The following SAMD5 variants were observed in gnomAD, a reference collection of about 807,000 sequenced individuals.
SAMD5 encodes sterile alpha motif domain containing 5, also known as sterile alpha motif domain-containing protein 5.
A neutral mutation model predicts 11.3 loss-of-function variants in SAMD5; 13 were observed. The observed-to-expected ratio is 1.15, with a 90% CI of 0.75 to 1.83. The LOEUF (loss-of-function observed/expected upper bound fraction) is 1.83. SAMD5 is among the 40% of genes most tolerant of loss of function. The pLI, the probability that SAMD5 is intolerant of heterozygous loss-of-function variation, is 0.00. For missense variants in SAMD5, 255 were observed against 239.1 expected, an observed-to-expected ratio of 1.07 and a Z score of -0.44; for synonymous variants, 129 against 111.3, an observed-to-expected ratio of 1.16 and a Z score of -1.00.
At chr6:147,787,458 A>T in the SAMD5 span, among the ~76,000 whole-genome samples, 1 of 152,206 alleles carries the variant, frequency 6.6e-6, no homozygotes, top group Non-Finnish European at 1.5e-5. Context: ...ATGTAAGTCA[A>T]AGACCAGTAG....
At chr6:147,947,539 T>C in the SAMD5 span, 1 of 152,208 alleles carries the variant, frequency 6.6e-6, no homozygotes, top group Admixed American at 6.5e-5. Flanking sequence ...CGTTTTGCTC[T>C]GGTACAAGGT....
At chr6:147,585,153 A>G in intron 1 of SAMD5, among the ~76,000 whole-genome samples, 1 of 152,186 alleles carries the variant, frequency 6.6e-6, no homozygotes, top group Admixed American at 6.5e-5. Flanking sequence ...ATTGAGACCC[A>G]TTAATAGTGA....
At chr6:147,801,234 T>C in the SAMD5 span, among the ~76,000 whole-genome samples, 6 of 152,226 alleles carry the variant, frequency 3.9e-5, no homozygotes, top group Admixed American at 2.6e-4. Flanking sequence ...TTTTACTTTA[T>C]GGAATCCTAA....
chr6:147,799,451 T>C, the SAMD5 span, among the ~76,000 whole-genome samples: 1 of 151,860 alleles, frequency 6.6e-6, no homozygotes, highest in Admixed American at 6.6e-5. Context: ...GTTAGTCTGA[T>C]GGGCTTCCCT....
At chr6:147,601,810 C>T (rs1203135345) in intron 1 of SAMD5, among the ~76,000 whole-genome samples, 1 of 152,188 alleles carries the variant, frequency 6.6e-6, no homozygotes, top group Non-Finnish European at 1.5e-5. Flanking sequence ...AAACAGCTTA[C>T]TTCACCGTGA....
chr6:147,567,840 T>C lies in SAMD5; in HGVS notation c.*3384T>C. On this transcript the variant is annotated 3_prime_UTR_variant, in exon 2 of 2. Coordinates refer to ENST00000367474, the MANE Select transcript of SAMD5 (RefSeq NM_001030060.3). ...TACCTGCTCATAGGAGTTCAGTAAA[T>C]GTTTATTGATTGAATGAAAAGAATT... The C allele has an allele frequency of 3.0e-6, 3 of 985,208 alleles. No homozygotes were observed. The highest frequency in any genetic ancestry group is 3.6e-6 in the Non-Finnish European group (3 of 829,740). 61.0% of individuals were successfully genotyped at this position (985,208 alleles called of 1,614,324 possible).
At chr6:147,546,964 C>G (rs1455389763) in intron 1 of SAMD5, among the ~76,000 whole-genome samples, 5 of 152,112 alleles carry the variant, frequency 3.3e-5, no homozygotes, top group Non-Finnish European at 4.4e-5. Flanking sequence ...AGTTGATGGC[C>G]TCACCTGAGA....
the SAMD5 span, among the ~76,000 whole-genome samples, chr6:147,897,680 C>T: frequency 4.6e-5 from 7 of 152,212 alleles, no homozygotes; most frequent in East Asian, 1.9e-4. Context: ...CGCAGGGGCT[C>T]ACACCTGTAA....
At chr6:147,710,995 G>A (rs1312546887) in intron 1 of SAMD5, among the ~76,000 whole-genome samples, 1 of 150,676 alleles carries the variant, frequency 6.6e-6, no homozygotes, top group East Asian at 2.0e-4. Flanking sequence ...AGGGAGGGAG[G>A]GAAGGAAAAT....
At chr6:147,839,754 G>C in the SAMD5 span, among the ~76,000 whole-genome samples, 2 of 152,018 alleles carry the variant, frequency 1.3e-5, no homozygotes, top group Non-Finnish European at 2.9e-5. Flanking sequence ...CCATCTCAAA[G>C]AAAAACAAAA....
intron 1 of SAMD5, among the ~76,000 whole-genome samples, chr6:147,534,839 C>T (rs756034135): frequency 3.4e-4 from 51 of 152,084 alleles, no homozygotes; most frequent in Non-Finnish European, 5.9e-4. Flanking sequence ...AATTTTGTGG[C>T]GGATGTTAGT....
the SAMD5 span, among the ~76,000 whole-genome samples, chr6:147,825,743 G>A: frequency 2.6e-5 from 4 of 152,110 alleles, no homozygotes; most frequent in Admixed American, 1.3e-4. Flanking sequence ...TTTTTGTGAC[G>A]ATTTCTCTGC....
At chr6:147,893,171 C>T in the SAMD5 span, among the ~76,000 whole-genome samples, 38 of 150,620 alleles carry the variant, frequency 2.5e-4, no homozygotes, top group African/African-American at 8.5e-4. Context: ...TATTGCACTC[C>T]AGCCTGGGCA....
chr6:147,740,180 C>T (rs1791859921), downstream of SAMD5, among the ~76,000 whole-genome samples: 1 of 152,174 alleles, frequency 6.6e-6, no homozygotes, highest in Non-Finnish European at 1.5e-5. Flanking sequence ...ACATTTATTA[C>T]ATTATGACTT....
At chr6:147,726,518 GGGCCCA>G (rs144551152) in intron 1 of SAMD5, among the ~76,000 whole-genome samples, 1 of 152,086 alleles carries the variant, frequency 6.6e-6, no homozygotes, top group Admixed American at 6.5e-5. Flanking sequence ...GGCCTGCCTG[GGGCCCA>G]GGCCCAGGCC....
At chr6:147,714,842 G>A (rs919549497) in intron 1 of SAMD5, among the ~76,000 whole-genome samples, 3 of 152,106 alleles carry the variant, frequency 2.0e-5, no homozygotes, top group African/African-American at 7.2e-5. Context: ...CGCAATCTGT[G>A]AATGTTTTCC....
At chr6:147,834,172 C>T in the SAMD5 span, among the ~76,000 whole-genome samples, 1 of 152,164 alleles carries the variant, frequency 6.6e-6, no homozygotes, top group Non-Finnish European at 1.5e-5. Flanking sequence ...ACAGAGCAGG[C>T]AACTTACAAA....
chr6:147,891,522 A>G, the SAMD5 span, among the ~76,000 whole-genome samples: 3 of 152,112 alleles, frequency 2.0e-5, no homozygotes, highest in Non-Finnish European at 4.4e-5. Flanking sequence ...CATTGGTAAA[A>G]TGTGGATTTG....
the SAMD5 span, among the ~76,000 whole-genome samples, chr6:147,856,425 T>C: frequency 6.6e-6 from 1 of 152,228 alleles, no homozygotes; most frequent in African/African-American, 2.4e-5. Context: ...TGCTTTAATA[T>C]GTGCAGTTTG....
Sources: gnomAD v4.1 joint callset for allele counts (sites outside exome capture counted in the v4.1 genomes callset) on GRCh38, gnomAD v4.1.1 for gene constraint, MANE v1.5 for transcripts, NCBI Gene and HGNC (gene_info 2026-07-23, HGNC 2026-07-21) for gene names.